COL4A5: variants seen among roughly 807,000 people sequenced by gnomAD.
COL4A5 encodes the protein collagen alpha-5(IV) chain.
A neutral mutation model predicts 130.2 loss-of-function variants in COL4A5; 26 were observed. The observed-to-expected ratio is 0.20, with a 90% CI of 0.15 to 0.28. The LOEUF (loss-of-function observed/expected upper bound fraction) is 0.28. Among genes scored for constraint, COL4A5 ranks in the 10% least tolerant of loss-of-function variants. The pLI, the probability that COL4A5 is intolerant of heterozygous loss-of-function variation, is 1.00. For missense variants in COL4A5, 1,131 were observed against 1,344.3 expected, an observed-to-expected ratio of 0.84 and a Z score of 2.48; for synonymous variants, 496 against 439.6, an observed-to-expected ratio of 1.13 and a Z score of -1.60.
Position 108,625,746 on chromosome X carries a change from A to G in COL4A5, c.3058A>G (p.Ile1020Val), listed in dbSNP as rs772935986. ...TGGTCTCCCTGGACAGCCAGGTCTT[A>G]TAGGACCTCCTGGACTTAAAGGAAC... The part of the protein sequence containing the change: ...NPGLPGQPGL[I>V]GPPGLKGTIG... Residue 1020 changes from isoleucine to valine, a missense_variant, in exon 35 of 53, where the codon ATA (isoleucine) becomes GTA (valine). Coordinates refer to ENST00000328300, the MANE Select transcript of COL4A5 (RefSeq NM_033380.3). 3 of 1,208,961 alleles carry G rather than the reference A, an allele frequency of 2.5e-6. No individual in the cohort carries two copies. In the Admixed American group the frequency reaches 6.5e-5, roughly 26 times the overall value.
intron 1 of COL4A5, among the ~76,000 whole-genome samples, chrX:108,461,036 C>A (rs1289820332): frequency 9.1e-6 from 1 of 110,395 alleles, no homozygotes; most frequent in Non-Finnish European, 1.9e-5. Flanking sequence ...AGCCTTCATG[C>A]CTTCATTTGT....
In COL4A5 at chrX:108,591,223, T is replaced by G. The variant is rs2272946; in HGVS notation, c.1331T>G (p.Ile444Ser). Residue 444 changes from isoleucine (I) to serine (S), a missense_variant, in exon 20 of 53, where the codon ATT becomes AGT. Ile to Ser is a moderately radical substitution (Grantham distance 142, BLOSUM62 -2). Transcript: ENST00000328300. ...PGPPGPAGPH[I>S]PPSDEICEPG... ...CCTCCTGGCCCTGCTGGCCCTCACA[T>G]TCCTCCTAGTAAGCTATATTTTTCT... 0.024 allele frequency: 29,165 copies of G among 1,206,143 alleles called. 2,714 individuals carry two copies. In the African/African-American group the frequency reaches 0.34, roughly 14 times the overall value.
At chrX:108,621,329 T>G (rs775123368) in intron 31 of COL4A5, among the ~76,000 whole-genome samples, 1 of 108,500 alleles carries the variant, frequency 9.2e-6, no homozygotes, top group African/African-American at 3.4e-5. Flanking sequence ...AGCTATTTTT[T>G]TTTTCTTTTT....
intron 4 of COL4A5, among the ~76,000 whole-genome samples, chrX:108,565,988 T>C (rs920117412): frequency 8.6e-4 from 93 of 107,969 alleles, no homozygotes; most frequent in African/African-American, 3.0e-3. Context: ...ATTCTTCTTT[T>C]TTTTTTTTTT....
intron 36 of COL4A5, among the ~76,000 whole-genome samples, chrX:108,643,245 G>A (rs1199178924): frequency 1.8e-5 from 2 of 111,555 alleles, no homozygotes; most frequent in Non-Finnish European, 3.8e-5. Flanking sequence ...AAGAATAATC[G>A]GTGTTTCTGA....
chrX:108,669,534 T>A (rs997354355), intron 41 of COL4A5, among the ~76,000 whole-genome samples: 2 of 112,206 alleles, frequency 1.8e-5, no homozygotes, highest in African/African-American at 6.5e-5. Flanking sequence ...TTGTTTAAGG[T>A]TTTATGTTTG....
Position 108,526,593 on chromosome X carries a change from CTCCTTTCTTTCTTTCT to C in COL4A5, c.82-13151_82-13136del, listed in dbSNP as rs1198549193. On this transcript the variant is annotated intron_variant, in intron 1 of 52. Transcript: ENST00000328300. ...CTTTCCTCCCTCCCTCCCTCCCTCCCTCCTTTCTTTCTTTCTTTCTTTCTTTCTTTCTTTCTTTCTT... is the reference window on the plus strand; with the variant it reads ...CTTTCCTCCCTCCCTCCCTCCCTCCCTTCTTTCTTTCTTTCTTTCTTTCTT... 3.6e-3 allele frequency among the ~76,000 whole-genome samples: 163 copies of C among 45,106 alleles called. 3 individuals carry two copies. Among genetic ancestry groups the C allele is most frequent in the East Asian group, 0.019 (27 of 1,425 alleles). The allele number at this position is 45,106 out of a possible 115,157, so 39.2% of individuals were successfully genotyped here.
At chrX:108,466,113 T>C (rs1449540514) in intron 1 of COL4A5, among the ~76,000 whole-genome samples, 1 of 112,307 alleles carries the variant, frequency 8.9e-6, no homozygotes, top group South Asian at 3.7e-4. Flanking sequence ...TTGCATTGTA[T>C]GGATATACCA....
intron 1 of COL4A5, among the ~76,000 whole-genome samples, chrX:108,461,914 C>T (rs776060590): frequency 7.2e-5 from 8 of 111,432 alleles, no homozygotes; most frequent in South Asian, 3.8e-4. Flanking sequence ...ATTTGTAGTG[C>T]GTTTAAACAT....
At chrX:108,466,735 G>A (rs2064709995) in intron 1 of COL4A5, among the ~76,000 whole-genome samples, 1 of 109,311 alleles carries the variant, frequency 9.1e-6, no homozygotes, top group Non-Finnish European at 1.9e-5. Context: ...GAGTAGCTGG[G>A]CCTGCAGGCA....
intron 23 of COL4A5, 55 bp downstream of exon 23, chrX:108,597,123 C>A: frequency 1.0e-6 from 1 of 987,987 alleles, no homozygotes; most frequent in Non-Finnish European, 1.4e-6. Context: ...GCATTTTACA[C>A]ATTGATTTTC....
At chrX:108,536,120 T>G (rs1030105856) in intron 1 of COL4A5, among the ~76,000 whole-genome samples, 7 of 111,830 alleles carry the variant, frequency 6.3e-5, no homozygotes, top group Non-Finnish European at 1.3e-4. Flanking sequence ...TTATTTGTAC[T>G]TTTAAGTCTA....
At chrX:108,599,641 C>A (rs2066591564) in intron 25 of COL4A5, among the ~76,000 whole-genome samples, 1 of 111,755 alleles carries the variant, frequency 8.9e-6, no homozygotes, top group African/African-American at 3.3e-5. Context: ...TTCTCTAGGG[C>A]AAGAGTTGGC....
At chrX:108,608,939 C>T (rs956852787) in intron 29 of COL4A5, among the ~76,000 whole-genome samples, 3 of 111,467 alleles carry the variant, frequency 2.7e-5, no homozygotes, top group African/African-American at 9.8e-5. Context: ...AGGCTTCTTT[C>T]ACTCAACATA....
At chrX:108,687,876 C>T (rs772685400) in intron 49 of COL4A5, among the ~76,000 whole-genome samples, 182 bp downstream of exon 49, 41 of 112,031 alleles carry the variant, frequency 3.7e-4, no homozygotes, top group African/African-American at 1.3e-3. Context: ...TAATATTTAA[C>T]CTTAAACTAA....
At chrX:108,532,554 A>G (rs989810194) in intron 1 of COL4A5, among the ~76,000 whole-genome samples, 1 of 111,659 alleles carries the variant, frequency 9.0e-6, no homozygotes, top group Non-Finnish European at 1.9e-5. Flanking sequence ...CTCCTATTCA[A>G]CATAGTACTG....
At chrX:108,621,679 G>T (rs1223225150) in intron 31 of COL4A5, 124 bp from the exon 32 acceptor site, 22 of 544,502 alleles carry the variant, frequency 4.0e-5, no homozygotes, top group Non-Finnish European at 7.0e-5. Flanking sequence ...TGGTCAAAAA[G>T]TCTAAAACTT....
intron 2 of COL4A5, among the ~76,000 whole-genome samples, chrX:108,552,607 C>A (rs1416281117): frequency 8.9e-6 from 1 of 111,781 alleles, no homozygotes; most frequent in Admixed American, 9.6e-5. Flanking sequence ...ACCCTGAAAA[C>A]TACAAAAAAT....
chrX:108,506,620 A>C (rs1306813206), intron 1 of COL4A5, among the ~76,000 whole-genome samples: 1 of 111,436 alleles, frequency 9.0e-6, no homozygotes, highest in Admixed American at 9.5e-5. Context: ...ATCTAATGTC[A>C]ATGATGATCT....
Sources: gnomAD v4.1 joint callset for allele counts (sites outside exome capture counted in the v4.1 genomes callset) on GRCh38, gnomAD v4.1.1 for gene constraint, MANE v1.5 for transcripts, NCBI Gene and HGNC (gene_info 2026-07-23, HGNC 2026-07-21) for gene names.